Variants in SLC14A2 observed in about 807,000 individuals in gnomAD.
The protein encoded by SLC14A2 is solute carrier family 14 member 2, also known as urea transporter 2.
SLC14A2 carries 91 observed loss-of-function variants against 104.6 expected under a neutral mutation model. The observed-to-expected ratio is 0.87, with a 90% confidence interval of 0.73 to 1.04. SLC14A2 has a LOEUF of 1.04. Among genes scored for constraint, SLC14A2 ranks in the 50% least tolerant of loss-of-function variants. SLC14A2 has a pLI of 0.00. For synonymous variants in SLC14A2, 476 were observed against 466.4 expected (o/e 1.02, Z -0.27); for missense variants, 1,189 against 1,156.0 (o/e 1.03, Z -0.41).
intron 4 of SLC14A2, among the ~76,000 whole-genome samples, chr18:45,629,940 C>A (rs2045319245): frequency 1.3e-5 from 2 of 152,206 alleles, no homozygotes; most frequent in Non-Finnish European, 2.9e-5. Flanking sequence ...ATCCCTGACA[C>A]CAGCTGTACC....
chr18:45,199,853 A>G, the SLC14A2 span, among the ~76,000 whole-genome samples: 1 of 152,128 alleles, frequency 6.6e-6, no homozygotes, highest in Admixed American at 6.6e-5. Context: ...GAGAATCTTG[A>G]CTTTGGCAGT....
At chr18:45,457,351 G>C (rs1201184376) in intron 1 of SLC14A2, among the ~76,000 whole-genome samples, 1 of 152,088 alleles carries the variant, frequency 6.6e-6, no homozygotes, top group African/African-American at 2.4e-5. Context: ...GCATGTCCCT[G>C]GTGGTGGATT....
At chr18:45,613,689 C>A (rs983444151), upstream of SLC14A2, among the ~76,000 whole-genome samples, 8 of 152,290 alleles carry the variant, frequency 5.3e-5, no homozygotes, top group Admixed American at 5.2e-4. Flanking sequence ...ATCTGTGGAA[C>A]TTTGAACTTG....
chr18:45,492,821 A>G (rs1178274127), intron 2 of SLC14A2, among the ~76,000 whole-genome samples: 1 of 152,202 alleles, frequency 6.6e-6, no homozygotes, highest in Non-Finnish European at 1.5e-5. Flanking sequence ...AAGAGGATAG[A>G]TGAGGTGCTG....
At chr18:45,607,122 C>T (rs2044884773) in intron 2 of SLC14A2, among the ~76,000 whole-genome samples, 3 of 151,892 alleles carry the variant, frequency 2.0e-5, no homozygotes, top group Non-Finnish European at 2.9e-5. Flanking sequence ...CATTCAATCT[C>T]GCTGAAGGCA....
intron 2 of SLC14A2, among the ~76,000 whole-genome samples, chr18:45,561,383 C>A (rs1354729214): frequency 6.6e-6 from 1 of 152,132 alleles, no homozygotes; most frequent in Non-Finnish European, 1.5e-5. Context: ...AGAGTGACAG[C>A]AAAACAAGCA....
At chr18:45,238,805 A>G (rs898701987) in intron 1 of SLC14A2, among the ~76,000 whole-genome samples, 12 of 152,214 alleles carry the variant, frequency 7.9e-5, no homozygotes, top group Non-Finnish European at 1.5e-4. Context: ...CTAATTTCAC[A>G]TTGTATTTTA....
rs576384807 is a variant in SLC14A2, at chr18:45,602,133, A to G, written c.-34-22498A>G. Among the ~76,000 whole-genome samples, 5 of 152,368 alleles carry G rather than the reference A, an allele frequency of 3.3e-5. No homozygotes were observed. The South Asian group carries it at 1.0e-3, about 32-fold the overall frequency. On this transcript the variant is annotated intron_variant, in intron 2 of 20. Coordinates refer to the SLC14A2 transcript ENST00000586448. ...CAGTCAAAGAAGCTTATTTCATAAA[A>G]TATCAAAAGGCCATGGATGAGCCAT...
intron 2 of SLC14A2, among the ~76,000 whole-genome samples, chr18:45,497,582 G>A (rs372539286): frequency 2.6e-5 from 4 of 152,238 alleles, no homozygotes; most frequent in South Asian, 4.1e-4. Context: ...GCTTTCCAAC[G>A]AAATCCATTT....
At chr18:45,535,187 C>T (rs929366164) in intron 2 of SLC14A2, among the ~76,000 whole-genome samples, 2 of 152,218 alleles carry the variant, frequency 1.3e-5, no homozygotes, top group Non-Finnish European at 2.9e-5. Context: ...GTGAGTATCA[C>T]TGCCCTTCAT....
chr18:45,185,719 A>G, the SLC14A2 span, among the ~76,000 whole-genome samples: 3 of 152,214 alleles, frequency 2.0e-5, no homozygotes, highest in East Asian at 1.9e-4. Flanking sequence ...AGAAAATATA[A>G]TTATTCATGT....
chr18:45,241,607 G>T (rs1314586373), intron 1 of SLC14A2, among the ~76,000 whole-genome samples: 1 of 149,020 alleles, frequency 6.7e-6, no homozygotes, highest in Non-Finnish European at 1.5e-5. Flanking sequence ...AGCCTTTGCT[G>T]ACTTATTTGA....
At chr18:45,572,297 A>C (rs1383310396) in intron 2 of SLC14A2, among the ~76,000 whole-genome samples, 2 of 152,204 alleles carry the variant, frequency 1.3e-5, no homozygotes, top group Admixed American at 1.3e-4. Context: ...GATGCCCCCA[A>C]CAAATCACCA....
chr18:45,388,231 T>C (rs2144403368), intron 1 of SLC14A2, among the ~76,000 whole-genome samples: 1 of 151,786 alleles, frequency 6.6e-6, no homozygotes, highest in African/African-American at 2.4e-5. Flanking sequence ...CCCGGCTAAT[T>C]TTTTGTATTT....
chr18:45,513,416 T>C (rs1263622196), intron 2 of SLC14A2, among the ~76,000 whole-genome samples: 2 of 152,188 alleles, frequency 1.3e-5, no homozygotes, highest in African/African-American at 4.8e-5. Context: ...TTAGAGGGAA[T>C]GTATACCAAG....
chr18:45,260,639 A>G lies in SLC14A2; in HGVS notation c.-125+47448A>G, dbSNP rs536298923. The stretch of plus-strand genomic sequence containing the variant: ...GCATACTACTCAGCCATAAAAAATA[A>G]TGAAATCATGTCCTTTGCAGCAACA... On this transcript the variant is annotated intron_variant, in intron 1 of 20. Transcript: ENST00000586448. Among the ~76,000 whole-genome samples the G allele has an allele frequency of 6.1e-4, 93 of 152,348 alleles. No individual in the cohort carries two copies. In the South Asian group the frequency reaches 0.013, roughly 21 times the overall value.
chr18:45,398,932 C>CA (rs1374626416), intron 1 of SLC14A2, among the ~76,000 whole-genome samples: 44 of 152,330 alleles, frequency 2.9e-4, no homozygotes, highest in Middle Eastern at 6.8e-3. Flanking sequence ...ACAACGTACA[C>CA]ATACTTTATG....
chr18:45,522,229 T>C (rs1251973348), intron 2 of SLC14A2, among the ~76,000 whole-genome samples: 15 of 152,232 alleles, frequency 9.9e-5, no homozygotes, highest in Admixed American at 9.8e-4. Flanking sequence ...CAGCGTCAAG[T>C]TCTGGGTATG....
At chr18:45,443,881 T>C (rs966763092) in intron 1 of SLC14A2, among the ~76,000 whole-genome samples, 6 of 152,094 alleles carry the variant, frequency 3.9e-5, no homozygotes, top group African/African-American at 1.4e-4. Context: ...CAGAGGCTCT[T>C]TGAAAGGGAA....
Sources: allele counts gnomAD v4.1 joint callset (sites outside exome capture counted in the v4.1 genomes callset), GRCh38; gene constraint gnomAD v4.1.1; transcripts MANE v1.5; gene names NCBI Gene and HGNC (gene_info 2026-07-23, HGNC 2026-07-21).